CPA6: variants seen among roughly 807,000 people sequenced by gnomAD.
CPA6 encodes carboxypeptidase B.
CPA6 carries 58 observed loss-of-function variants against 63.3 expected under a neutral mutation model. The observed-to-expected ratio is 0.92, with a 90% CI of 0.74 to 1.14. The LOEUF is 1.14. CPA6 is among the 50% of genes most tolerant of loss of function. The pLI is 0.00. For missense variants in CPA6, 565 were observed against 526.6 expected, an observed-to-expected ratio of 1.07 and a Z score of -0.71; for synonymous variants, 185 against 179.0, an observed-to-expected ratio of 1.03 and a Z score of -0.27.
In CPA6 at chr8:67,746,050, G is replaced by A. The variant is rs757926740; in HGVS notation, c.80C>T (p.Pro27Leu). ...GTTGTTATAAAGGTGGCTGTGCCCC[G>A]GTTGCAGAATCTTCAAAAAGAGCCA... ...LCWLFLKILQ[P>L]GHSHLYNNRY... The change falls in exon 1 of 11, where the codon CCG becomes CTG. Residue 27 changes from proline to leucine, a missense_variant. By Grantham distance (98) the Pro-to-Leu change is moderately conservative (BLOSUM62 -3). Transcript: ENST00000297770. 37 of 1,613,548 alleles carry A rather than the reference G, an allele frequency of 2.3e-5. 1 individual carries two copies. The highest frequency in any genetic ancestry group is 3.3e-4 in the Middle Eastern group (2 of 6,080).
At chr8:67,513,211 A>T (rs1812077479) in intron 3 of CPA6, among the ~76,000 whole-genome samples, 1 of 152,072 alleles carries the variant, frequency 6.6e-6, no homozygotes, top group Admixed American at 6.6e-5. Context: ...TTTCTTTTTT[A>T]CCCTCAAAGT....
intron 1 of CPA6, among the ~76,000 whole-genome samples, chr8:67,659,522 T>C (rs1442968050): frequency 6.6e-6 from 1 of 152,210 alleles, no homozygotes; most frequent in Non-Finnish European, 1.5e-5. Context: ...GATAAGTCTT[T>C]CTCCTCTGAT....
At chr8:67,612,275 G>A (rs545075108) in intron 2 of CPA6, among the ~76,000 whole-genome samples, 1 of 152,070 alleles carries the variant, frequency 6.6e-6, no homozygotes, top group African/African-American at 2.4e-5. Flanking sequence ...AAGCCCAAAG[G>A]TTGCTTCTTC....
At chr8:67,585,723 T>A (rs1457826288) in intron 2 of CPA6, among the ~76,000 whole-genome samples, 1 of 152,190 alleles carries the variant, frequency 6.6e-6, no homozygotes, top group Non-Finnish European at 1.5e-5. Flanking sequence ...TACGTAAGTG[T>A]CCTTCGTTGT....
chr8:67,575,842 CAAAA>C (rs1220968056), intron 2 of CPA6, among the ~76,000 whole-genome samples: 3 of 77,624 alleles, frequency 3.9e-5, no homozygotes. Context: ...ACTCTGTCTC[CAAAA>C]AAAAAAAAAA....
At chr8:67,627,111 G>A (rs1815209540) in intron 1 of CPA6, among the ~76,000 whole-genome samples, 1 of 152,124 alleles carries the variant, frequency 6.6e-6, no homozygotes, top group African/African-American at 2.4e-5. Context: ...AGAGAATAAG[G>A]AAGGCAATGT....
At chr8:67,674,905 G>C (rs775868536) in intron 1 of CPA6, among the ~76,000 whole-genome samples, 30 of 152,284 alleles carry the variant, frequency 2.0e-4, no homozygotes, top group Admixed American at 7.2e-4. Context: ...ATAATTCTAA[G>C]TGAATTTACA....
intron 2 of CPA6, among the ~76,000 whole-genome samples, chr8:67,570,707 T>C (rs1374581542): frequency 1.3e-5 from 2 of 151,994 alleles, no homozygotes; most frequent in African/African-American, 4.8e-5. Flanking sequence ...AAAAACAAAA[T>C]TTAAAAAGAT....
intron 1 of CPA6, among the ~76,000 whole-genome samples, chr8:67,634,669 A>G (rs1587656453): frequency 6.6e-6 from 1 of 151,594 alleles, no homozygotes; most frequent in Non-Finnish European, 1.5e-5. Flanking sequence ...GGGAAGGACC[A>G]ATGAACCACT....
chr8:67,661,092 A>T (rs1274115550), intron 1 of CPA6, among the ~76,000 whole-genome samples: 1 of 152,252 alleles, frequency 6.6e-6, no homozygotes, highest in Non-Finnish European at 1.5e-5. Context: ...TAAGTAAAAT[A>T]TACAGAGTGA....
At chr8:67,444,974 CT>C (rs1223338681) in intron 8 of CPA6, among the ~76,000 whole-genome samples, 1 of 152,048 alleles carries the variant, frequency 6.6e-6, no homozygotes, top group Non-Finnish European at 1.5e-5. Context: ...TGTGGTTAGC[CT>C]GTAAAATGCA....
chr8:67,708,957 G>A (rs946196955), intron 1 of CPA6, among the ~76,000 whole-genome samples: 1 of 152,086 alleles, frequency 6.6e-6, no homozygotes, highest in African/African-American at 2.4e-5. Context: ...TGGTTCCAGG[G>A]AAAGGCAGTC....
chr8:67,430,165 G>GTA (rs1563949071), intron 9 of CPA6, among the ~76,000 whole-genome samples: 10 of 138,502 alleles, frequency 7.2e-5, no homozygotes, highest in African/African-American at 2.8e-4. Context: ...GTGTGTGTGT[G>GTA]TGTGTGTATA....
chr8:67,605,080 G>T (rs1403625373), intron 2 of CPA6, among the ~76,000 whole-genome samples: 5 of 145,056 alleles, frequency 3.4e-5, no homozygotes, highest in South Asian at 2.2e-4. Context: ...GCCCAGCCAC[G>T]TTTTTTTTTT....
intron 1 of CPA6, among the ~76,000 whole-genome samples, chr8:67,733,421 C>G (rs2553673): frequency 0.83 from 126,468 of 151,638 alleles, 53,052 homozygotes; most frequent in Admixed American, 0.88. Context: ...CTCACCTCCT[C>G]TTTCCCACGC....
At chr8:67,617,181 C>T (rs921620912) in intron 2 of CPA6, among the ~76,000 whole-genome samples, 6 of 152,072 alleles carry the variant, frequency 3.9e-5, no homozygotes, top group Non-Finnish European at 7.4e-5. Flanking sequence ...TGGGGTAGAT[C>T]GTCATCATCA....
intron 8 of CPA6, among the ~76,000 whole-genome samples, chr8:67,436,811 C>T (rs1317819586): frequency 6.6e-6 from 1 of 152,078 alleles, no homozygotes; most frequent in Non-Finnish European, 1.5e-5. Flanking sequence ...AGTTATTTGC[C>T]ATATGAGGCC....
At chr8:67,568,057 C>G (rs898000654) in intron 2 of CPA6, among the ~76,000 whole-genome samples, 28 of 152,144 alleles carry the variant, frequency 1.8e-4, no homozygotes, top group African/African-American at 6.3e-4. Context: ...AAGGGAGCAG[C>G]TCAGGCTTCT....
intron 4 of CPA6, among the ~76,000 whole-genome samples, chr8:67,510,625 A>G (rs1227296259): frequency 6.6e-6 from 1 of 152,180 alleles, no homozygotes; most frequent in Non-Finnish European, 1.5e-5. Context: ...AGAACCAAAA[A>G]CCGTCTTAAG....
Sources: gnomAD v4.1 joint callset for allele counts (sites outside exome capture counted in the v4.1 genomes callset) on GRCh38, gnomAD v4.1.1 for gene constraint, MANE v1.5 for transcripts, NCBI Gene and HGNC (gene_info 2026-07-23, HGNC 2026-07-21) for gene names.